RALYL: variants seen among roughly 807,000 people sequenced by gnomAD.
The protein encoded by RALYL is RNA-binding Raly-like protein.
A neutral mutation model predicts 35.1 loss-of-function variants in RALYL; 29 were observed. The ratio of observed to expected loss-of-function variants is 0.83; its 90% CI spans 0.61 to 1.13. The LOEUF (loss-of-function observed/expected upper bound fraction) is 1.13. RALYL is among the 50% of genes most tolerant of loss of function. The pLI is 0.00. For synonymous variants in RALYL, 120 were observed against 127.6 expected, an observed-to-expected ratio of 0.94 and a Z score of 0.40; for missense variants, 359 against 360.4, an observed-to-expected ratio of 1.00 and a Z score of 0.03.
chr8:84,193,761 A>T (rs1323504298), intron 1 of RALYL, among the ~76,000 whole-genome samples: 1 of 152,226 alleles, frequency 6.6e-6, no homozygotes, highest in African/African-American at 2.4e-5. Context: ...ACACAGTTAC[A>T]TCACTTCTCT....
At chr8:84,519,726 T>C (rs2058320609) in intron 1 of RALYL, among the ~76,000 whole-genome samples, 1 of 152,184 alleles carries the variant, frequency 6.6e-6, no homozygotes, top group African/African-American at 2.4e-5. Flanking sequence ...CTTTTAGCAA[T>C]GTCTACAACA....
At chr8:84,336,475 T>C (rs1476982196) in intron 1 of RALYL, among the ~76,000 whole-genome samples, 2 of 152,150 alleles carry the variant, frequency 1.3e-5, no homozygotes, top group Non-Finnish European at 2.9e-5. Flanking sequence ...ATTGGAAGGA[T>C]AGCTATTAAC....
intron 1 of RALYL, among the ~76,000 whole-genome samples, chr8:84,524,143 G>T (rs539680602): frequency 3.3e-5 from 5 of 152,200 alleles, no homozygotes; most frequent in African/African-American, 7.2e-5. Flanking sequence ...CAGTGTAAAA[G>T]TGTTCCAGAG....
intron 2 of RALYL, among the ~76,000 whole-genome samples, chr8:84,663,470 C>T (rs2131685209): frequency 6.6e-6 from 1 of 152,286 alleles, no homozygotes; most frequent in East Asian, 1.9e-4. Context: ...TTCTCCACAA[C>T]CTCACCAGCA....
chr8:84,619,789 A>G lies in RALYL; in HGVS notation c.256+90212A>G, dbSNP rs368597915. On this transcript the variant is annotated intron_variant, in intron 2 of 8. Coordinates refer to ENST00000521268, the MANE Select transcript of RALYL (RefSeq NM_173848.7). The stretch of plus-strand genomic sequence containing the variant: ...CAGGAGCTCTTTTAGGGCAGGCCTG[A>G]TGGTGACAAAATCTCTCAGCATTTG... Among the ~76,000 whole-genome samples, 13 of 150,830 alleles carry G rather than the reference A, an allele frequency of 8.6e-5. No individual in the cohort carries two copies. In the East Asian group the frequency reaches 9.7e-4, roughly 11 times the overall value.
intron 2 of RALYL, among the ~76,000 whole-genome samples, chr8:84,719,632 A>C (rs75588979): frequency 0.012 from 1,902 of 152,270 alleles, 44 homozygotes; most frequent in African/African-American, 0.043. Flanking sequence ...GTTTCTAGTT[A>C]ATTCATGGCT....
intron 1 of RALYL, among the ~76,000 whole-genome samples, chr8:84,411,116 C>A (rs931293027): frequency 6.6e-6 from 1 of 151,776 alleles, no homozygotes; most frequent in Non-Finnish European, 1.5e-5. Flanking sequence ...CAAATTTTCT[C>A]AAAAATATAT....
At chr8:84,387,628 A>G (rs964549270) in intron 1 of RALYL, among the ~76,000 whole-genome samples, 2 of 151,474 alleles carry the variant, frequency 1.3e-5, no homozygotes, top group Non-Finnish European at 2.9e-5. Flanking sequence ...ATATGTGTAA[A>G]CTATTCAGAG....
chr8:84,482,384 T>A (rs577056335), intron 1 of RALYL, among the ~76,000 whole-genome samples: 1 of 152,160 alleles, frequency 6.6e-6, no homozygotes, highest in African/African-American at 2.4e-5. Flanking sequence ...AATTTTATTT[T>A]GTTTATGATA....
At chr8:84,222,391 C>T (rs1822455406) in intron 1 of RALYL, among the ~76,000 whole-genome samples, 2 of 152,004 alleles carry the variant, frequency 1.3e-5, no homozygotes, top group Non-Finnish European at 2.9e-5. Context: ...ACTGGAGATA[C>T]CGACACAAAC....
chr8:84,426,514 T>C (rs2046483146), intron 1 of RALYL, among the ~76,000 whole-genome samples: 1 of 151,300 alleles, frequency 6.6e-6, no homozygotes, highest in South Asian at 2.1e-4. Flanking sequence ...TGCAATACTT[T>C]CCTTTCTATG....
At chr8:84,455,089 C>T (rs2049980132) in intron 1 of RALYL, among the ~76,000 whole-genome samples, 1 of 151,950 alleles carries the variant, frequency 6.6e-6, no homozygotes, top group African/African-American at 2.4e-5. Context: ...CCAGGCGCTG[C>T]ACAGAATTTG....
chr8:84,730,361 A>G (rs183354952), intron 2 of RALYL, among the ~76,000 whole-genome samples: 5 of 152,318 alleles, frequency 3.3e-5, no homozygotes, highest in Non-Finnish European at 7.3e-5. Context: ...CTCTCAATAA[A>G]TGAGGTATTG....
intron 8 of RALYL, among the ~76,000 whole-genome samples, chr8:84,890,444 T>C (rs1427063): frequency 0.46 from 69,648 of 152,004 alleles, 18,975 homozygotes; most frequent in African/African-American, 0.75. Flanking sequence ...ATTACTAATT[T>C]AAAAAACATA....
At chr8:84,906,657 A>G (rs948446136) in intron 8 of RALYL, among the ~76,000 whole-genome samples, 7 of 151,970 alleles carry the variant, frequency 4.6e-5, no homozygotes, top group Non-Finnish European at 1.0e-4. Flanking sequence ...ACCTTTTACA[A>G]TTCTTGCCCC....
intron 1 of RALYL, among the ~76,000 whole-genome samples, chr8:84,513,566 A>G (rs1394411085): frequency 6.6e-6 from 1 of 152,170 alleles, no homozygotes; most frequent in African/African-American, 2.4e-5. Context: ...AAGGACTCCA[A>G]GGTTTAAATC....
chr8:84,375,626 G>A (rs1253820887), intron 1 of RALYL, among the ~76,000 whole-genome samples: 2 of 151,718 alleles, frequency 1.3e-5, no homozygotes, highest in African/African-American at 4.8e-5. Context: ...AATGTTAATG[G>A]TACAAAAGTG....
intron 1 of RALYL, among the ~76,000 whole-genome samples, chr8:84,436,172 T>A (rs317947): frequency 0.52 from 79,307 of 151,836 alleles, 20,941 homozygotes; most frequent in African/African-American, 0.59. Context: ...GAAGATTAAA[T>A]ATTATTAAAT....
chr8:84,568,358 G>A (rs888446274), intron 2 of RALYL, among the ~76,000 whole-genome samples: 5 of 151,548 alleles, frequency 3.3e-5, no homozygotes, highest in African/African-American at 1.2e-4. Context: ...TTTCATCCGT[G>A]TCCCTACAAA....
Sources: allele counts gnomAD v4.1 joint callset (sites outside exome capture counted in the v4.1 genomes callset), GRCh38; gene constraint gnomAD v4.1.1; transcripts MANE v1.5; gene names NCBI Gene and HGNC (gene_info 2026-07-23, HGNC 2026-07-21).